MPHOSPH9: variants seen among roughly 807,000 people sequenced by gnomAD.
MPHOSPH9 encodes M-phase phosphoprotein 9.
In MPHOSPH9, 88 loss-of-function variants were observed where a neutral mutation model predicts 145.5. That is an observed-to-expected ratio of 0.60 (90% CI 0.51 to 0.72). The LOEUF is 0.72. Ranked by LOEUF, MPHOSPH9 falls within the 30% of genes least tolerant of loss-of-function variation. The pLI is 0.00. For missense variants in MPHOSPH9, 1,238 were observed against 1,386.6 expected (o/e 0.89, Z 1.70); for synonymous variants, 435 against 486.2 (o/e 0.89, Z 1.39).
At chr12:123,198,214 C>T in intron 12 of MPHOSPH9, 33 bp downstream of exon 12, 5 of 1,475,810 alleles carry the variant, frequency 3.4e-6, no homozygotes, top group East Asian at 2.3e-5. Flanking sequence ...TCATTTGTCT[C>T]ACCAGAACAC....
upstream of MPHOSPH9, chr12:123,233,188 G>A (rs1459803665): frequency 1.3e-5 from 2 of 152,138 alleles, no homozygotes; most frequent in Non-Finnish European, 2.9e-5. Context: ...TGCCCGGAAG[G>A]AGGCGGAGAC....
chr12:123,174,649 G>A (rs756772645), intron 16 of MPHOSPH9, among the ~76,000 whole-genome samples: 2 of 152,120 alleles, frequency 1.3e-5, no homozygotes, highest in Non-Finnish European at 2.9e-5. Flanking sequence ...TGGGATTACA[G>A]GCGTGAGCCA....
At chr12:123,157,595 C>T (rs896432877) in intron 23 of MPHOSPH9, among the ~76,000 whole-genome samples, 2 of 152,154 alleles carry the variant, frequency 1.3e-5, no homozygotes, top group African/African-American at 2.4e-5. Context: ...ATCCTTCCAC[C>T]TTAGCCTCTC....
At chr12:123,186,823 T>C (rs1052892578) in intron 13 of MPHOSPH9, among the ~76,000 whole-genome samples, 2 of 152,116 alleles carry the variant, frequency 1.3e-5, no homozygotes, top group South Asian at 4.1e-4. Context: ...TAGCTAGGCA[T>C]GGTGGCACGC....
chr12:123,188,365 G>T (rs1191902916), intron 13 of MPHOSPH9, among the ~76,000 whole-genome samples: 2 of 151,896 alleles, frequency 1.3e-5, no homozygotes. Flanking sequence ...AGATAACAAA[G>T]CTCATATTCT....
At chr12:123,176,598 C>T in intron 16 of MPHOSPH9, 90 bp downstream of exon 16, 1 of 974,850 alleles carries the variant, frequency 1.0e-6, no homozygotes, top group East Asian at 2.5e-5. Flanking sequence ...TTAACCCGGA[C>T]TTTCTTATGA....
intron 1 of MPHOSPH9, among the ~76,000 whole-genome samples, chr12:123,232,254 T>C (rs2047675908): frequency 6.6e-6 from 1 of 151,956 alleles, no homozygotes; most frequent in Non-Finnish European, 1.5e-5. Context: ...CGGATCCGGA[T>C]GCAGATCCAG....
chr12:123,194,609 A>C lies in MPHOSPH9; in HGVS notation c.2026-8T>G. ...GCGTTCTCTCAAATCATTCTATAAAACAAAGACAAACATAATTTTTTTTTT... is the reference window on the plus strand; with the variant it reads ...GCGTTCTCTCAAATCATTCTATAAACCAAAGACAAACATAATTTTTTTTTT... On this transcript the variant is annotated splice_polypyrimidine_tract_variant and splice_region_variant and intron_variant, in intron 12 of 23. Coordinates refer to ENST00000606320, the MANE Select transcript of MPHOSPH9 (RefSeq NM_022782.4). 1 of 1,553,896 alleles carries C rather than the reference A, an allele frequency of 6.4e-7. No homozygotes were observed.
chr12:123,197,821 C>T lies in MPHOSPH9; in HGVS notation c.2025+426G>A, dbSNP rs1457698543. Among the ~76,000 whole-genome samples the T allele has an allele frequency of 2.4e-4, 34 of 144,262 alleles. 1 individual carries two copies. The highest frequency in any genetic ancestry group is 7.2e-4 in the African/African-American group (28 of 38,680). The allele number at this position is 144,262 out of a possible 152,430, so 94.6% of individuals were successfully genotyped here. A position where few individuals can be genotyped will look rare whatever the true frequency, so the allele number is the denominator to read the frequency against. ...AAAAAAAAAAGGGTGCAGTGGCTCA[C>T]GCCTGTAATCCCAGCACTTTGGGAG... is the stretch of plus-strand genomic sequence containing the variant. On this transcript the variant is annotated intron_variant, in intron 12 of 23. Transcript: ENST00000606320.
chr12:123,169,233 T>G (rs1053328477), intron 16 of MPHOSPH9, among the ~76,000 whole-genome samples: 2 of 149,334 alleles, frequency 1.3e-5, no homozygotes, highest in African/African-American at 4.9e-5. Context: ...CAGTGGCTCA[T>G]GCCTATAATC....
chr12:123,228,312 GCTTT>G (rs2047505436), intron 2 of MPHOSPH9, among the ~76,000 whole-genome samples: 1 of 151,996 alleles, frequency 6.6e-6, no homozygotes, highest in African/African-American at 2.4e-5. Flanking sequence ...TTGATATCCT[GCTTT>G]CTTTCACAAA....
chr12:123,230,054 TC>T, intron 2 of MPHOSPH9: 1 of 358,512 alleles, frequency 2.8e-6, no homozygotes, highest in Non-Finnish European at 5.1e-6. Context: ...ACTCCTGGCC[TC>T]AGGTGATCCA....
intron 15 of MPHOSPH9, among the ~76,000 whole-genome samples, chr12:123,177,769 T>C (rs1046840390): frequency 1.3e-5 from 2 of 151,476 alleles, no homozygotes; most frequent in Non-Finnish European, 2.9e-5. Context: ...CTAATATGTA[T>C]ATAACCATGC....
At chr12:123,185,221 C>T (rs2045387926) in intron 13 of MPHOSPH9, among the ~76,000 whole-genome samples, 1 of 151,610 alleles carries the variant, frequency 6.6e-6, no homozygotes, top group South Asian at 2.1e-4. Context: ...ACTACAGAAA[C>T]AGTCCAATGG....
chr12:123,234,363 C>T (rs1292349228), upstream of MPHOSPH9, among the ~76,000 whole-genome samples: 1 of 151,382 alleles, frequency 6.6e-6, no homozygotes, highest in East Asian at 1.9e-4. Context: ...CCTAAGTATA[C>T]CTACCAATTT....
chr12:123,202,774 C>T lies in MPHOSPH9; in HGVS notation c.1631G>A (p.Ser544Asn), dbSNP rs777022540. The T allele has an allele frequency of 6.2e-7, 1 of 1,614,164 alleles. No homozygotes were observed. The highest frequency in any genetic ancestry group is 2.2e-5 in the East Asian group (1 of 44,886). ...TACAGTGTTGACCGAGATATCATTA[C>T]TAGTAATGGTATATACTGACGGAAA... ...STFPSVYTIT[S>N]NDISVNTVDE... Residue 544 changes from serine (S) to asparagine (N), a missense_variant, in exon 10 of 24, where the codon AGT (serine) becomes AAT (asparagine). By Grantham distance (46) the Ser-to-Asn change is conservative. Coordinates refer to ENST00000606320, the MANE Select transcript of MPHOSPH9 (RefSeq NM_022782.4).
Position 123,221,442 on chromosome 12 carries a change from G to T in MPHOSPH9, c.802C>A (p.Pro268Thr). ...VSLKEDVSIS[P>T]GEFEHNFLGE... ...AGAAAATTATGTTCAAATTCACCAG[G>T]AGAAATGGATACATCTTCCTTTAAA... The change falls in exon 5 of 24, where the codon CCT becomes ACT. Residue 268 changes from proline to threonine, a missense_variant. Coordinates refer to ENST00000606320, the MANE Select transcript of MPHOSPH9 (RefSeq NM_022782.4). 1 of 1,612,652 alleles carries T rather than the reference G, an allele frequency of 6.2e-7. No homozygotes were observed. Among genetic ancestry groups the T allele is most frequent in the Non-Finnish European group, 8.5e-7 (1 of 1,179,464 alleles).
In MPHOSPH9 at chr12:123,159,420, C is replaced by G. The variant is rs572753880; in HGVS notation, c.3450+1361G>C. On this transcript the variant is annotated intron_variant, in intron 23 of 23. Transcript: ENST00000606320. The surrounding 1 kb of genome is among the most constrained non-coding windows in gnomAD (Gnocchi z 4.3). The stretch of plus-strand genomic sequence containing the variant: ...CCTCGTGATCCGCCCACCTCGGCCT[C>G]CCAAAGTGCTGGGATTACAGGCATA... 6.6e-6 allele frequency among the ~76,000 whole-genome samples: 1 copy of G among 152,282 alleles called. No homozygotes were observed. The highest frequency in any genetic ancestry group is 1.9e-4 in the East Asian group (1 of 5,182).
upstream of MPHOSPH9, chr12:123,233,765 T>G (rs2047774678): frequency 6.6e-6 from 1 of 152,320 alleles, no homozygotes; most frequent in African/African-American, 2.4e-5. Flanking sequence ...CCTGGGGCTG[T>G]TCAGGCACTC....
Sources: allele counts gnomAD v4.1 joint callset (sites outside exome capture counted in the v4.1 genomes callset), GRCh38; gene constraint gnomAD v4.1.1; non-coding constraint Gnocchi (gnomAD v3.1); transcripts MANE v1.5; gene names NCBI Gene and HGNC (gene_info 2026-07-23, HGNC 2026-07-21).